The following SLC26A1 variants were observed in gnomAD, a reference collection of about 807,000 sequenced individuals.
SLC26A1 encodes sulfate anion transporter 1.
SLC26A1 carries 18 observed loss-of-function variants against 14.5 expected under a neutral mutation model. The observed-to-expected ratio is 1.24, with a 90% CI of 0.86 to 1.84. The LOEUF (loss-of-function observed/expected upper bound fraction) is 1.84. Among genes scored for constraint, SLC26A1 ranks in the 40% most tolerant of loss-of-function variants. The pLI is 0.00. For synonymous variants in SLC26A1, 505 were observed against 492.0 expected, an observed-to-expected ratio of 1.03 and a Z score of -0.35; for missense variants, 1,049 against 1,020.0, an observed-to-expected ratio of 1.03 and a Z score of -0.39.
chr4:988,366 G>C lies in SLC26A1; in HGVS notation c.*467C>G. 4 of 1,072,326 alleles carry C rather than the reference G, an allele frequency of 3.7e-6. No homozygotes were observed. Among genetic ancestry groups the C allele is most frequent in the Non-Finnish European group, 4.5e-6 (4 of 884,612 alleles). 66.4% of individuals were successfully genotyped at this position (1,072,326 alleles called of 1,614,324 possible). A position where few individuals can be genotyped will look rare whatever the true frequency, so the allele number is the denominator to read the frequency against. On this transcript the variant is annotated 3_prime_UTR_variant, in exon 3 of 3. Coordinates refer to ENST00000398516, the MANE Select transcript of SLC26A1 (RefSeq NM_022042.4). ...GAGGCACGAGGTGTGAGGGGCACTT[G>C]GGTGTGTGGGGCCTTCTGGAAACAC...
chr4:979,264 G>A, exon 3 of SLC26A1: 1 of 615,868 alleles, frequency 1.6e-6, no homozygotes, highest in Non-Finnish European at 2.9e-6. Context: ...TCTGCAGGCT[G>A]GCCAGGTTGA....
At chr4:981,331 G>A (rs1487884048) in intron 2 of SLC26A1, among the ~76,000 whole-genome samples, 1 of 152,214 alleles carries the variant, frequency 6.6e-6, no homozygotes, top group African/African-American at 2.4e-5. Flanking sequence ...ATAAAAACCA[G>A]CCAGGCGTGG....
Position 990,216 on chromosome 4 carries a change from C to T in SLC26A1, c.723G>A (p.Gly241=), listed in dbSNP as rs1222709723. The change falls in exon 3 of 3, where the codon GGG becomes GGA. Residue 241 remains glycine, a synonymous_variant. Transcript: ENST00000398516. ...GCCATGTGAGGACCACCATGCCGGGCCCCTGGTGCCGCGGGATCCGCACGC... is the reference window on the plus strand; with the variant it reads ...GCCATGTGAGGACCACCATGCCGGGTCCCTGGTGCCGCGGGATCCGCACGC... The part of the protein sequence containing the change: ...LLGVRIPRHQ[G]PGMVVLTWLS... 5 of 1,565,486 alleles carry T rather than the reference C, an allele frequency of 3.2e-6. No individual in the cohort carries two copies. The highest frequency in any genetic ancestry group is 4.3e-6 in the Non-Finnish European group (5 of 1,155,868).
intron 2 of SLC26A1, 156 bp from the exon 3 acceptor site, chr4:990,518 G>T (rs552158109): frequency 6.9e-6 from 5 of 724,708 alleles, no homozygotes; most frequent in South Asian, 5.7e-5. Flanking sequence ...CCTCACACGG[G>T]CCTGAGTTCT....
intron 2 of SLC26A1, among the ~76,000 whole-genome samples, chr4:981,243 G>A (rs1713532132): frequency 1.3e-5 from 2 of 152,252 alleles, no homozygotes; most frequent in Admixed American, 1.3e-4. Context: ...CCCTCCTACT[G>A]ACACGCAGTC....
downstream of SLC26A1, among the ~76,000 whole-genome samples, chr4:985,242 C>A (rs3806755): frequency 0.071 from 10,874 of 152,366 alleles, 665 homozygotes; most frequent in African/African-American, 0.17. Context: ...AACGCAGCAG[C>A]GTGTCGCCAT....
intron 2 of SLC26A1, among the ~76,000 whole-genome samples, chr4:980,574 G>A (rs1006532129): frequency 5.7e-5 from 7 of 123,066 alleles, no homozygotes; most frequent in African/African-American, 9.6e-5. Flanking sequence ...CAACAAGAGC[G>A]AAACTCCATC....
downstream of SLC26A1, among the ~76,000 whole-genome samples, chr4:985,479 T>G (rs1450947411): frequency 6.6e-6 from 1 of 152,256 alleles, no homozygotes; most frequent in Non-Finnish European, 1.5e-5. Context: ...CACCACGGTG[T>G]GGGACTGGTG....
chr4:987,399 C>T (rs1395410164), downstream of SLC26A1, among the ~76,000 whole-genome samples: 2 of 152,172 alleles, frequency 1.3e-5, no homozygotes, highest in African/African-American at 2.4e-5. Context: ...GGTGGGTCCT[C>T]CACCTGAGTG....
rs1377076671 is a variant in SLC26A1, at chr4:988,943, C to T, written c.1996G>A (p.Gly666Ser). 5 of 1,597,656 alleles carry T rather than the reference C, an allele frequency of 3.1e-6. No individual in the cohort carries two copies. Among genetic ancestry groups the T allele is most frequent in the Non-Finnish European group, 4.3e-6 (5 of 1,173,004 alleles). ...ILSRGGFLGE[G>S]PGDTAEEEQL... is the part of the protein sequence containing the mutation. Reference sequence around the variant, plus strand: ...TCCTCCTCAGCCGTGTCCCCGGGGCCCTCCCCGAGGAAGCCTCCTCTGCTC... The same window carrying T: ...TCCTCCTCAGCCGTGTCCCCGGGGCTCTCCCCGAGGAAGCCTCCTCTGCTC... The change falls in exon 3 of 3, where the codon GGC (glycine) becomes AGC (serine). Residue 666 changes from glycine (G) to serine (S), a missense_variant. Gly to Ser is a moderately conservative substitution (Grantham distance 56). Coordinates refer to ENST00000398516, the MANE Select transcript of SLC26A1 (RefSeq NM_022042.4).
rs756823579 is a variant in SLC26A1 at position 990,212 on chromosome 4, C to T, written c.727G>A (p.Gly243Ser). The T allele has an allele frequency of 2.2e-5, 35 of 1,564,036 alleles. No homozygotes were observed. Among genetic ancestry groups the T allele is most frequent in the Admixed American group, 5.8e-5 (3 of 51,828 alleles). The change falls in exon 3 of 3, where the codon GGC (glycine) becomes AGC (serine). Residue 243 changes from glycine to serine, a missense_variant. Gly to Ser is a moderately conservative substitution (Grantham distance 56). Transcript: ENST00000398516. Reference sequence around the variant, plus strand: ...CTCAGCCATGTGAGGACCACCATGCCGGGCCCCTGGTGCCGCGGGATCCGC... The same window carrying T: ...CTCAGCCATGTGAGGACCACCATGCTGGGCCCCTGGTGCCGCGGGATCCGC... ...GVRIPRHQGP[G>S]MVVLTWLSLL...
chr4:987,083 C>A (rs1472246458), downstream of SLC26A1: 7 of 1,483,994 alleles, frequency 4.7e-6, no homozygotes, highest in Non-Finnish European at 6.2e-6. Flanking sequence ...GCACGCGTGG[C>A]CATGCGTCCC....
In SLC26A1 at chr4:989,803, G is replaced by A; in HGVS notation, c.1136C>T (p.Ala379Val). The A allele has an allele frequency of 6.3e-7, 1 of 1,574,972 alleles. No homozygotes were observed. The highest frequency in any genetic ancestry group is 8.6e-7 in the Non-Finnish European group (1 of 1,161,074). ...YSVRANQELL[A>V]VGCCNVLPAF... ...GGGTAGCACGTTGCAGCAGCCCACA[G>A]CCAGCAGCTCCTGGTTGGCACGCAC... The change falls in exon 3 of 3, where the codon GCT (alanine) becomes GTT (valine). Residue 379 changes from alanine to valine, a missense_variant. Ala to Val is a moderately conservative substitution (Grantham distance 64, BLOSUM62 0). Transcript: ENST00000398516.
In SLC26A1 at chr4:991,511, GGCGGTACTGAC is replaced by G; in HGVS notation, c.182_192del (p.Arg61ProfsTer83). Reference sequence around the variant, plus strand: ...ACGTCGCCTGCCAGGTACTCCCGCGGGCGGTACTGACGCAGCCAGCGCGTGGCGGGGAGCAG... The same window carrying G: ...ACGTCGCCTGCCAGGTACTCCCGCGGGCAGCCAGCGCGTGGCGGGGAGCAG... On this transcript the variant is annotated frameshift_variant, in exon 2 of 3. Coordinates refer to ENST00000398516, the MANE Select transcript of SLC26A1 (RefSeq NM_022042.4). LOFTEE classifies it high-confidence loss of function. 6.2e-7 allele frequency: 1 copy of G among 1,609,624 alleles called. No individual in the cohort carries two copies. The highest frequency in any genetic ancestry group is 1.7e-5 in the Admixed American group (1 of 59,914).
chr4:980,954 C>CA (rs935762236), intron 2 of SLC26A1, among the ~76,000 whole-genome samples: 1 of 152,138 alleles, frequency 6.6e-6, no homozygotes, highest in African/African-American at 2.4e-5. Flanking sequence ...ACGGGTGCCT[C>CA]ACGGCGGGTT....
chr4:979,578 C>G, intron 2 of SLC26A1: 1 of 1,587,640 alleles, frequency 6.3e-7, no homozygotes, highest in African/African-American at 1.3e-5. Flanking sequence ...AAACGTCCCC[C>G]TGCCGGGCCC....
intron 2 of SLC26A1, 182 bp from the exon 3 acceptor site, chr4:990,544 C>T (rs926582949): frequency 2.7e-5 from 17 of 623,358 alleles, no homozygotes; most frequent in Non-Finnish European, 4.5e-5. Flanking sequence ...CACGCGTGCT[C>T]ATGCCCGCAG....
chr4:989,947 T>C lies in SLC26A1; in HGVS notation c.992A>G (p.Gln331Arg), dbSNP rs2153017015. ...CTGCATCAGCCTGGGCTCTGGGACC[T>C]GAGGGGGCATGAAACCCGTGGGGAT... ...GDIPTGFMPP[Q>R]VPEPRLMQRV... The change falls in exon 3 of 3, where the codon CAG (glutamine) becomes CGG (arginine). Residue 331 changes from glutamine to arginine, a missense_variant. By Grantham distance (43) the Gln-to-Arg change is conservative (BLOSUM62 1). Coordinates refer to ENST00000398516, the MANE Select transcript of SLC26A1 (RefSeq NM_022042.4). 5.8e-6 allele frequency: 9 copies of C among 1,555,570 alleles called. No homozygotes were observed. Among genetic ancestry groups the C allele is most frequent in the Non-Finnish European group, 7.8e-6 (9 of 1,151,084 alleles).
chr4:990,594 G>A (rs1577517712), intron 2 of SLC26A1: 1 of 581,980 alleles, frequency 1.7e-6, no homozygotes, highest in Non-Finnish European at 3.1e-6. Flanking sequence ...CGTGCACACA[G>A]CTGGCCATAG....
Sources: allele counts gnomAD v4.1 joint callset (sites outside exome capture counted in the v4.1 genomes callset), GRCh38; gene constraint gnomAD v4.1.1; transcripts MANE v1.5; gene names NCBI Gene and HGNC (gene_info 2026-07-23, HGNC 2026-07-21).